The following GTF2E2 variants were observed in gnomAD, a reference collection of about 807,000 sequenced individuals.
The protein encoded by GTF2E2 is transcription initiation factor IIE subunit beta.
GTF2E2 carries 21 observed loss-of-function variants against 40.5 expected under a neutral mutation model. That is an observed-to-expected ratio of 0.52 (90% CI 0.37 to 0.75). GTF2E2 has a LOEUF of 0.75. Ranked by LOEUF, GTF2E2 falls within the 30% of genes least tolerant of loss-of-function variation. The pLI is 0.00. For synonymous variants in GTF2E2, 117 were observed against 121.6 expected (o/e 0.96, Z 0.25); for missense variants, 298 against 338.4 (o/e 0.88, Z 0.94).
At chr8:30,636,903 C>A in intron 2 of GTF2E2, 1 of 406,990 alleles carries the variant, frequency 2.5e-6, no homozygotes, top group Non-Finnish European at 4.7e-6. Context: ...TTTCCATTCA[C>A]TGTTTCAATT....
intron 2 of GTF2E2, among the ~76,000 whole-genome samples, chr8:30,648,037 G>A (rs1308612170): frequency 1.3e-5 from 2 of 152,218 alleles, no homozygotes; most frequent in African/African-American, 4.8e-5. Flanking sequence ...AGGTTATACA[G>A]TGAATTCACA....
In GTF2E2 at chr8:30,617,878, G is replaced by A. The variant is rs79630370; in HGVS notation, c.259-3163C>T. On this transcript the variant is annotated intron_variant, in intron 3 of 7. Coordinates refer to ENST00000355904, the MANE Select transcript of GTF2E2 (RefSeq NM_002095.6). ...ATTAACTAGAATACGGGGAAACGCC[G>A]GGCAGCTATAGTACAGCAGTGGTCT... Among the ~76,000 whole-genome samples, 479 of 152,272 alleles carry A rather than the reference G, an allele frequency of 3.1e-3. 4 individuals carry two copies. Among genetic ancestry groups the A allele is most frequent in the African/African-American group, 0.011 (444 of 41,530 alleles).
chr8:30,641,754 G>A (rs1230280823), intron 2 of GTF2E2, among the ~76,000 whole-genome samples: 1 of 152,218 alleles, frequency 6.6e-6, no homozygotes, highest in East Asian at 1.9e-4. Flanking sequence ...GTACATACCT[G>A]TAATCCCAAC....
rs369822113 is a variant in GTF2E2, at chr8:30,612,415, C to T, written c.433G>A (p.Val145Met). 25 of 1,612,374 alleles carry T rather than the reference C, an allele frequency of 1.6e-5. No individual in the cohort carries two copies. Among genetic ancestry groups the T allele is most frequent in the Admixed American group, 8.3e-5 (5 of 60,002 alleles). ...GKYAFKPKYN[V>M]RDKKALLRLL... ...CTAAGTAGGGCCTTCTTATCTCTCA[C>T]GTTGTACTTGGGCTTGAAAGCATAC... Residue 145 changes from valine to methionine, a missense_variant, in exon 5 of 8, where the codon GTG becomes ATG. Physicochemically the swap from Val to Met is conservative, Grantham distance 21. Transcript: ENST00000355904.
At chr8:30,646,753 G>A (rs1312872411) in intron 2 of GTF2E2, among the ~76,000 whole-genome samples, 4 of 152,094 alleles carry the variant, frequency 2.6e-5, no homozygotes, top group East Asian at 3.9e-4. Flanking sequence ...AGGCCAAGGC[G>A]GATGGATCAC....
chr8:30,620,653 G>A (rs1444249116), intron 3 of GTF2E2, among the ~76,000 whole-genome samples: 4 of 151,892 alleles, frequency 2.6e-5, no homozygotes, highest in East Asian at 1.9e-4. Context: ...AGCTGGGCAC[G>A]GTGGCTCACG....
chr8:30,644,385 C>A (rs1350464224), intron 2 of GTF2E2: 2 of 152,098 alleles, frequency 1.3e-5, no homozygotes, highest in African/African-American at 2.4e-5. Context: ...TCATTTATAA[C>A]CCCAAGATTA....
intron 2 of GTF2E2, among the ~76,000 whole-genome samples, chr8:30,637,429 T>C (rs1307604528): frequency 1.3e-5 from 2 of 152,238 alleles, no homozygotes; most frequent in Non-Finnish European, 2.9e-5. Context: ...AATAAATATT[T>C]GTTGAATGAA....
chr8:30,580,180 A>G, intron 7 of GTF2E2, 101 bp downstream of exon 7: 1 of 708,578 alleles, frequency 1.4e-6, no homozygotes, highest in South Asian at 1.7e-5. Flanking sequence ...CTGAGAAACA[A>G]TGGCGGGGGA....
chr8:30,590,041 A>C (rs757677797), intron 6 of GTF2E2, among the ~76,000 whole-genome samples: 3 of 152,178 alleles, frequency 2.0e-5, no homozygotes, highest in Admixed American at 1.3e-4. Context: ...GGTCATGCTA[A>C]CACCACCATG....
chr8:30,586,251 C>G (rs1828679651), intron 6 of GTF2E2, among the ~76,000 whole-genome samples: 1 of 152,168 alleles, frequency 6.6e-6, no homozygotes, highest in South Asian at 2.1e-4. Flanking sequence ...ACCTCATCTT[C>G]TAGTGATCTT....
intron 5 of GTF2E2, among the ~76,000 whole-genome samples, chr8:30,609,067 A>T (rs1385801718): frequency 1.3e-5 from 2 of 152,076 alleles, no homozygotes; most frequent in African/African-American, 4.8e-5. Flanking sequence ...GAGTTTTGAG[A>T]CCAGCCTGGT....
intron 6 of GTF2E2, among the ~76,000 whole-genome samples, chr8:30,590,678 T>C (rs1828820279): frequency 6.6e-6 from 1 of 151,940 alleles, no homozygotes; most frequent in Admixed American, 6.6e-5. Flanking sequence ...ATAAAGGACT[T>C]GATTGAAATC....
intron 6 of GTF2E2, among the ~76,000 whole-genome samples, chr8:30,587,846 T>C (rs1828725440): frequency 7.9e-6 from 1 of 126,648 alleles, no homozygotes. Context: ...CACTCCAGCC[T>C]GGGCAACAGA....
chr8:30,615,624 T>C (rs1800898844), intron 3 of GTF2E2, among the ~76,000 whole-genome samples: 1 of 152,140 alleles, frequency 6.6e-6, no homozygotes, highest in South Asian at 2.1e-4. Flanking sequence ...AAAAAACATA[T>C]GTATCATGCC....
intron 1 of GTF2E2, chr8:30,656,986 C>G (rs1194551260): frequency 6.6e-6 from 1 of 152,096 alleles, no homozygotes; most frequent in East Asian, 1.9e-4. Flanking sequence ...GAGCCAGGGC[C>G]AGGAACCAAA....
At chr8:30,630,300 G>C (rs1217793898) in intron 3 of GTF2E2, among the ~76,000 whole-genome samples, 1 of 152,190 alleles carries the variant, frequency 6.6e-6, no homozygotes, top group Non-Finnish European at 1.5e-5. Context: ...TGACTCTGAA[G>C]TTCCTGTATC....
chr8:30,592,081 AG>A (rs1466915206), intron 6 of GTF2E2, among the ~76,000 whole-genome samples: 1 of 152,188 alleles, frequency 6.6e-6, no homozygotes, highest in African/African-American at 2.4e-5. Flanking sequence ...GGTTACTTAA[AG>A]GTATTTAATT....
chr8:30,619,245 C>T (rs1801013191), intron 3 of GTF2E2, among the ~76,000 whole-genome samples: 1 of 151,980 alleles, frequency 6.6e-6, no homozygotes, highest in African/African-American at 2.4e-5. Context: ...CAGTCTACTT[C>T]AATAGTTTTA....
Sources: gnomAD v4.1 joint callset for allele counts (sites outside exome capture counted in the v4.1 genomes callset) on GRCh38, gnomAD v4.1.1 for gene constraint, MANE v1.5 for transcripts, NCBI Gene and HGNC (gene_info 2026-07-23, HGNC 2026-07-21) for gene names.